The following KIF16B variants were observed in gnomAD, a reference collection of about 807,000 sequenced individuals.
KIF16B encodes kinesin family member 16B.
A neutral mutation model predicts 156.3 loss-of-function variants in KIF16B; 98 were observed. The ratio of observed to expected loss-of-function variants is 0.63; its 90% CI spans 0.53 to 0.74. The LOEUF is 0.74. Ranked by LOEUF, KIF16B falls within the 30% of genes least tolerant of loss-of-function variation. The pLI, the probability that KIF16B is intolerant of heterozygous loss-of-function variation, is 0.00. For synonymous variants in KIF16B, 564 were observed against 583.7 expected (o/e 0.97, Z 0.49); for missense variants, 1,421 against 1,606.5 (o/e 0.88, Z 1.97).
chr20:16,515,872 C>T (rs949090464), intron 3 of KIF16B, among the ~76,000 whole-genome samples: 19 of 152,080 alleles, frequency 1.2e-4, no homozygotes, highest in African/African-American at 4.6e-4. Flanking sequence ...AAAAAGCAGC[C>T]CCATCCTCTT....
intron 1 of KIF16B, among the ~76,000 whole-genome samples, chr20:16,565,776 G>A (rs1243963861): frequency 6.6e-6 from 1 of 152,094 alleles, no homozygotes; most frequent in Non-Finnish European, 1.5e-5. Flanking sequence ...AGACCAACAC[G>A]CCCTTCTACC....
At chr20:16,526,779 C>T (rs2069559767) in intron 2 of KIF16B, among the ~76,000 whole-genome samples, 1 of 152,090 alleles carries the variant, frequency 6.6e-6, no homozygotes, top group Non-Finnish European at 1.5e-5. Flanking sequence ...TAAAGTGCAC[C>T]TCAGAACCAT....
chr20:16,360,801 T>G (rs2064537039), intron 22 of KIF16B, among the ~76,000 whole-genome samples: 1 of 152,194 alleles, frequency 6.6e-6, no homozygotes, highest in Non-Finnish European at 1.5e-5. Context: ...AGGTACATTG[T>G]AAATATTCAG....
At chr20:16,390,273 G>T (rs2065333104) in intron 17 of KIF16B, among the ~76,000 whole-genome samples, 1 of 152,106 alleles carries the variant, frequency 6.6e-6, no homozygotes, top group East Asian at 1.9e-4. Flanking sequence ...AAAAGGATTG[G>T]TTTTTTAAAA....
rs1471054526 is a variant in KIF16B, at chr20:16,319,790, T to C, written c.3712-7372A>G. 4.6e-5 allele frequency among the ~76,000 whole-genome samples: 7 copies of C among 152,302 alleles called. No individual in the cohort carries two copies. In the East Asian group the frequency reaches 1.4e-3, roughly 29 times the overall value. On this transcript the variant is annotated intron_variant, in intron 24 of 25. Transcript: ENST00000354981. Reference sequence around the variant, plus strand: ...GTGAAGTTGGATTCTAGTTTTCAAATGATGTGTTCTCACTGTGACATTAGG... The same window carrying C: ...GTGAAGTTGGATTCTAGTTTTCAAACGATGTGTTCTCACTGTGACATTAGG...
rs765289319 is a variant in KIF16B at position 16,404,784 on chromosome 20, C to T, written c.1784+29G>A. 10 of 1,518,430 alleles carry T rather than the reference C, an allele frequency of 6.6e-6. No homozygotes were observed. In the Admixed American group the frequency reaches 1.2e-4, roughly 18 times the overall value. 94.1% of individuals were successfully genotyped at this position (1,518,430 alleles called of 1,614,324 possible). On this transcript the variant is annotated intron_variant, in intron 17 of 25. Transcript: ENST00000354981. ...ACAATAAATGCAAAAGTGATCATCA[C>T]AGGGAAGGAGATGCTGCTGTTCACT...
At chr20:16,475,729 A>C (rs1320979645) in intron 12 of KIF16B, among the ~76,000 whole-genome samples, 1 of 152,224 alleles carries the variant, frequency 6.6e-6, no homozygotes, top group Non-Finnish European at 1.5e-5. Context: ...TTACAAGAAA[A>C]GTCTTTTAAG....
chr20:16,538,542 A>C (rs992154412), intron 1 of KIF16B, among the ~76,000 whole-genome samples: 3 of 152,172 alleles, frequency 2.0e-5, no homozygotes, highest in Non-Finnish European at 4.4e-5. Flanking sequence ...AGATGATAAG[A>C]TGCTACAAAT....
chr20:16,380,210 T>C, intron 18 of KIF16B, 47 bp from the exon 19 acceptor site: 1 of 1,430,788 alleles, frequency 7.0e-7, no homozygotes, highest in Non-Finnish European at 9.2e-7. Flanking sequence ...ATTGTTCAAA[T>C]GTTGCTCTAA....
At chr20:16,355,886 A>G (rs6075052) in intron 23 of KIF16B, among the ~76,000 whole-genome samples, 152,130 of 152,352 alleles carry the variant, frequency 1, 75,955 homozygotes, top group South Asian at 1. Flanking sequence ...CACAAGATGC[A>G]CACTTTATAC....
chr20:16,454,478 T>C (rs2067163642), intron 12 of KIF16B, among the ~76,000 whole-genome samples: 1 of 151,572 alleles, frequency 6.6e-6, no homozygotes, highest in Non-Finnish European at 1.5e-5. Flanking sequence ...CATGGAAAGG[T>C]ATATACAGAT....
At chr20:16,556,980 G>C (rs1299469492) in intron 1 of KIF16B, among the ~76,000 whole-genome samples, 2 of 151,864 alleles carry the variant, frequency 1.3e-5, no homozygotes, top group South Asian at 2.1e-4. Flanking sequence ...TGTGGCTACT[G>C]AACACCTGAT....
intron 19 of KIF16B, among the ~76,000 whole-genome samples, chr20:16,375,567 T>C: frequency 6.6e-6 from 1 of 151,634 alleles, no homozygotes; most frequent in Non-Finnish European, 1.5e-5. Context: ...AGCATCAATT[T>C]GTGGAACACA....
intron 4 of KIF16B, among the ~76,000 whole-genome samples, chr20:16,514,885 CAAAAAAAAAAAAAAAAA>C (rs10564862): frequency 3.3e-5 from 2 of 60,780 alleles, no homozygotes; most frequent in Admixed American, 2.1e-4. Context: ...GATTCCATCT[CAAAAAAAAAAAAAAAAA>C]AAAAAAAAAA....
intron 6 of KIF16B, 69 bp from the exon 7 acceptor site, chr20:16,508,169 T>C (rs566574037): frequency 6.8e-4 from 1,053 of 1,544,154 alleles, no homozygotes; most frequent in Non-Finnish European, 9.0e-4. Context: ...AAAATTACCC[T>C]CTATGAAATA....
At chr20:16,292,892 C>T (rs772675568) in intron 25 of KIF16B, among the ~76,000 whole-genome samples, 8 of 152,152 alleles carry the variant, frequency 5.3e-5, no homozygotes, top group Non-Finnish European at 1.0e-4. Context: ...GTAGCAAATG[C>T]AATGTTAAAA....
intron 23 of KIF16B, among the ~76,000 whole-genome samples, chr20:16,338,213 C>T (rs536913165): frequency 2.0e-5 from 3 of 152,266 alleles, no homozygotes; most frequent in South Asian, 2.1e-4. Context: ...GCTCTCCAGC[C>T]GGGACTGTCT....
At position 16,561,153 on chromosome 20, in the gene KIF16B, G is replaced by A. The variant is rs532093856; in HGVS notation, c.47+12076C>T. Among the ~76,000 whole-genome samples the A allele has an allele frequency of 4.1e-3, 622 of 152,130 alleles. 5 individuals carry two copies. Among genetic ancestry groups the A allele is most frequent in the African/African-American group, 0.014 (594 of 41,520 alleles). ...AAAACTGCAAAAAAAAATTAGCTGG[G>A]CGTGGTGGCGGGTATCTGTAATGCC... On this transcript the variant is annotated intron_variant, in intron 1 of 25. Coordinates refer to ENST00000354981, the MANE Select transcript of KIF16B (RefSeq NM_024704.5).
intron 1 of KIF16B, among the ~76,000 whole-genome samples, chr20:16,568,816 T>C (rs1387617373): frequency 1.7e-5 from 1 of 60,074 alleles, no homozygotes; most frequent in African/African-American, 7.9e-5. Context: ...TAAGACCCTG[T>C]CTCAAAAAAA....
Sources: gnomAD v4.1 joint callset for allele counts (sites outside exome capture counted in the v4.1 genomes callset) on GRCh38, gnomAD v4.1.1 for gene constraint, MANE v1.5 for transcripts, NCBI Gene and HGNC (gene_info 2026-07-23, HGNC 2026-07-21) for gene names.